TSPAN12: variants seen among roughly 807,000 people sequenced by gnomAD.
TSPAN12 encodes tetraspanin-12.
A neutral mutation model predicts 39.2 loss-of-function variants in TSPAN12; 19 were observed. The ratio of observed to expected loss-of-function variants is 0.49; its 90% CI spans 0.34 to 0.71. TSPAN12 has a LOEUF of 0.71. TSPAN12 is among the 30% of genes least tolerant of loss of function. TSPAN12 has a pLI of 0.01. For missense variants in TSPAN12, 314 were observed against 359.9 expected (o/e 0.87, Z 1.03); for synonymous variants, 119 against 124.8 (o/e 0.95, Z 0.31).
Position 120,804,514 on chromosome 7 carries a change from A to C in TSPAN12, c.612+2035T>G, listed in dbSNP as rs143428935. 1.2e-4 allele frequency among the ~76,000 whole-genome samples: 18 copies of C among 152,342 alleles called. No homozygotes were observed. The East Asian group carries it at 3.5e-3, about 29-fold the overall frequency. ...TGTATATTCCTTTTCATTCAAAGCC[A>C]AATGTTTCTAAACAAAGTATGTATA... On this transcript the variant is annotated intron_variant, in intron 7 of 7. Coordinates refer to ENST00000222747, the MANE Select transcript of TSPAN12 (RefSeq NM_012338.4).
chr7:120,792,757 A>T (rs999422236), intron 7 of TSPAN12, among the ~76,000 whole-genome samples: 1 of 152,230 alleles, frequency 6.6e-6, no homozygotes, highest in African/African-American at 2.4e-5. Context: ...ACCGACAAAT[A>T]AACACAGCAA....
At chr7:120,852,516 A>T (rs548706635) in intron 2 of TSPAN12, among the ~76,000 whole-genome samples, 84 of 152,346 alleles carry the variant, frequency 5.5e-4, no homozygotes, top group Non-Finnish European at 9.8e-4. Context: ...GACCAGCAAC[A>T]TTGGCATCAC....
intron 2 of TSPAN12, among the ~76,000 whole-genome samples, chr7:120,847,128 TG>T (rs1452395654): frequency 6.6e-6 from 1 of 152,034 alleles, no homozygotes; most frequent in Admixed American, 6.6e-5. Flanking sequence ...CCAGCTCTAC[TG>T]CCTTTTAGCT....
chr7:120,828,303 G>T (rs1794327202), intron 4 of TSPAN12, among the ~76,000 whole-genome samples: 1 of 152,158 alleles, frequency 6.6e-6, no homozygotes, highest in Non-Finnish European at 1.5e-5. Context: ...GCAAAAGATA[G>T]AACAGATCGT....
At chr7:120,838,649 GA>G in intron 4 of TSPAN12, 127 bp downstream of exon 4, 1 of 958,894 alleles carries the variant, frequency 1.0e-6, no homozygotes, top group Non-Finnish European at 1.6e-6. Flanking sequence ...CTTGTGAAAC[GA>G]AAGCGTCCCT....
chr7:120,845,982 G>A (rs1388916030), intron 2 of TSPAN12, among the ~76,000 whole-genome samples: 1 of 152,212 alleles, frequency 6.6e-6, no homozygotes, highest in African/African-American at 2.4e-5. Flanking sequence ...AAAGAGCAGA[G>A]GTTTAATTGG....
chr7:120,852,701 T>C (rs759165648), intron 2 of TSPAN12, among the ~76,000 whole-genome samples: 13 of 152,238 alleles, frequency 8.5e-5, no homozygotes, highest in Non-Finnish European at 1.9e-4. Flanking sequence ...GGATGTTTAC[T>C]TGACTTCTCT....
At chr7:120,835,110 G>A (rs1794452508) in intron 4 of TSPAN12, among the ~76,000 whole-genome samples, 1 of 152,180 alleles carries the variant, frequency 6.6e-6, no homozygotes, top group Non-Finnish European at 1.5e-5. Context: ...AAGGTGAATG[G>A]TTCATATTAC....
At chr7:120,824,904 A>G (rs1382321618) in intron 4 of TSPAN12, among the ~76,000 whole-genome samples, 3 of 152,224 alleles carry the variant, frequency 2.0e-5, no homozygotes, top group Non-Finnish European at 2.9e-5. Context: ...GATACTTTCA[A>G]TTACTAAGAG....
chr7:120,809,158 T>C (rs1412650900), intron 6 of TSPAN12, among the ~76,000 whole-genome samples: 1 of 152,022 alleles, frequency 6.6e-6, no homozygotes, highest in Non-Finnish European at 1.5e-5. Flanking sequence ...GGAGGAAACT[T>C]ACCATGTAAC....
intron 6 of TSPAN12, among the ~76,000 whole-genome samples, chr7:120,810,125 A>G (rs1206392709): frequency 2.0e-5 from 3 of 152,198 alleles, no homozygotes; most frequent in African/African-American, 7.2e-5. Context: ...TGAGAGCTCT[A>G]AAAGTCATGA....
At chr7:120,823,846 T>G (rs1794232800) in intron 4 of TSPAN12, among the ~76,000 whole-genome samples, 1 of 152,176 alleles carries the variant, frequency 6.6e-6, no homozygotes, top group African/African-American at 2.4e-5. Flanking sequence ...ATTATGTGCT[T>G]GGAGCACACT....
chr7:120,800,375 A>G (rs1448962733), intron 7 of TSPAN12, among the ~76,000 whole-genome samples: 1 of 152,100 alleles, frequency 6.6e-6, no homozygotes, highest in Non-Finnish European at 1.5e-5. Context: ...TGCATTGTCC[A>G]ATTTTAGCAA....
intron 2 of TSPAN12, among the ~76,000 whole-genome samples, chr7:120,841,871 G>A (rs553467449): frequency 1.2e-4 from 19 of 152,032 alleles, no homozygotes; most frequent in Non-Finnish European, 2.8e-4. Flanking sequence ...TTCTACTTTG[G>A]TACATGTTTT....
rs560458637 is a variant in TSPAN12, at chr7:120,848,550, A to T, written c.66+8148T>A. On this transcript the variant is annotated intron_variant, in intron 2 of 7. Coordinates refer to ENST00000222747, the MANE Select transcript of TSPAN12 (RefSeq NM_012338.4). ...AGATGGTTTCTGAAAAACAAAGTCAAAGATTTATATATCAGATTAGAAGCT... is the reference window on the plus strand; with the variant it reads ...AGATGGTTTCTGAAAAACAAAGTCATAGATTTATATATCAGATTAGAAGCT... Among the ~76,000 whole-genome samples, 7 of 152,368 alleles carry T rather than the reference A, an allele frequency of 4.6e-5. No homozygotes were observed. In the East Asian group the frequency reaches 1.3e-3, roughly 29 times the overall value.
At chr7:120,845,410 C>T (rs768669817) in intron 2 of TSPAN12, among the ~76,000 whole-genome samples, 2 of 152,224 alleles carry the variant, frequency 1.3e-5, no homozygotes, top group Non-Finnish European at 2.9e-5. Flanking sequence ...CATGGTCAAG[C>T]TGCAAATTTT....
At chr7:120,811,488 G>A (rs1793979468) in intron 5 of TSPAN12, among the ~76,000 whole-genome samples, 3 of 151,924 alleles carry the variant, frequency 2.0e-5, no homozygotes, top group Admixed American at 2.0e-4. Context: ...CTAACACAGT[G>A]AAACCCCGTC....
At chr7:120,829,587 C>T (rs1262446597) in intron 4 of TSPAN12, among the ~76,000 whole-genome samples, 1 of 152,100 alleles carries the variant, frequency 6.6e-6, no homozygotes, top group Non-Finnish European at 1.5e-5. Context: ...AGTAGAGAGA[C>T]ATGTGGAAGT....
At position 120,844,628 on chromosome 7, in the gene TSPAN12, C is replaced by T. The variant is rs147509162; in HGVS notation, c.67-4519G>A. On this transcript the variant is annotated intron_variant, in intron 2 of 7. Transcript: ENST00000222747. ...AAAGCTCCAAAATAATCTCCTTTAACGCCATGTCTCACATCCAGGCAAAAC... is the reference window on the plus strand; with the variant it reads ...AAAGCTCCAAAATAATCTCCTTTAATGCCATGTCTCACATCCAGGCAAAAC... Among the ~76,000 whole-genome samples, 600 of 152,348 alleles carry T rather than the reference C, an allele frequency of 3.9e-3. 9 individuals are homozygous for T. The East Asian group carries it at 0.048, about 12-fold the overall frequency.
Sources: gnomAD v4.1 joint callset for allele counts (sites outside exome capture counted in the v4.1 genomes callset) on GRCh38, gnomAD v4.1.1 for gene constraint, MANE v1.5 for transcripts, NCBI Gene and HGNC (gene_info 2026-07-23, HGNC 2026-07-21) for gene names.